The following MAML3 variants were observed in gnomAD, a reference collection of about 807,000 sequenced individuals.
The protein encoded by MAML3 is mastermind-like protein 3.
In MAML3, 27 loss-of-function variants were observed where a neutral mutation model predicts 101.9. The observed-to-expected ratio is 0.27, with a 90% CI of 0.20 to 0.37. The LOEUF (loss-of-function observed/expected upper bound fraction) is 0.37. Ranked by LOEUF, MAML3 falls within the 10% of genes least tolerant of loss-of-function variation. MAML3 has a pLI of 1.00. For missense variants in MAML3, 1,316 were observed against 1,444.9 expected (o/e 0.91, Z 1.45); for synonymous variants, 501 against 555.9 (o/e 0.90, Z 1.39).
intron 1 of MAML3, among the ~76,000 whole-genome samples, chr4:140,113,649 T>A (rs1364355486): frequency 2.0e-5 from 3 of 152,286 alleles, no homozygotes; most frequent in African/African-American, 7.2e-5. Flanking sequence ...CAACCAGAAC[T>A]CCCACAAAAG....
chr4:139,894,156 C>A (rs902380305), intron 1 of MAML3, among the ~76,000 whole-genome samples: 2 of 152,068 alleles, frequency 1.3e-5, no homozygotes, highest in Non-Finnish European at 2.9e-5. Context: ...TGTGCAGATG[C>A]GGTAAAGTTC....
intron 1 of MAML3, among the ~76,000 whole-genome samples, chr4:139,974,460 T>C (rs1166035032): frequency 6.6e-6 from 1 of 152,172 alleles, no homozygotes; most frequent in South Asian, 2.1e-4. Flanking sequence ...ACCACTATTA[T>C]AGGAGATTTT....
intron 2 of MAML3, among the ~76,000 whole-genome samples, chr4:139,804,332 T>C (rs969743894): frequency 2.6e-5 from 4 of 151,682 alleles, no homozygotes; most frequent in African/African-American, 4.9e-5. Context: ...AATGGCGTGA[T>C]CTTGACTCAC....
intron 2 of MAML3, among the ~76,000 whole-genome samples, chr4:139,739,321 C>CT (rs1286131226): frequency 7.2e-5 from 11 of 152,260 alleles, no homozygotes; most frequent in Admixed American, 5.2e-4. Context: ...TTTCAAGGCC[C>CT]TTTTTTGCAG....
intron 1 of MAML3, among the ~76,000 whole-genome samples, chr4:140,064,835 T>C (rs1257051451): frequency 1.3e-5 from 2 of 152,208 alleles, no homozygotes; most frequent in Admixed American, 6.5e-5. Context: ...AGCTATGCCC[T>C]AAAACTGAGG....
chr4:140,024,128 A>C (rs763935682), intron 1 of MAML3, among the ~76,000 whole-genome samples: 24 of 152,066 alleles, frequency 1.6e-4, no homozygotes, highest in Admixed American at 1.1e-3. Context: ...TTATTATCCA[A>C]TTTTCAAGAT....
intron 2 of MAML3, among the ~76,000 whole-genome samples, chr4:139,840,594 C>T (rs1409334209): frequency 6.6e-6 from 1 of 152,132 alleles, no homozygotes; most frequent in East Asian, 1.9e-4. Context: ...CAGGATAATG[C>T]GGTAGTTGCT....
At chr4:139,747,004 G>A (rs1356294980) in intron 2 of MAML3, among the ~76,000 whole-genome samples, 1 of 152,196 alleles carries the variant, frequency 6.6e-6, no homozygotes, top group Non-Finnish European at 1.5e-5. Context: ...CCCAAGGCTT[G>A]CAGCAATTGC....
chr4:139,788,487 T>A (rs940860258), intron 2 of MAML3, among the ~76,000 whole-genome samples: 1 of 152,230 alleles, frequency 6.6e-6, no homozygotes, highest in African/African-American at 2.4e-5. Flanking sequence ...TTTCTCTATA[T>A]ATCCTGAAGA....
intron 1 of MAML3, among the ~76,000 whole-genome samples, chr4:140,011,767 T>C (rs1324389837): frequency 6.6e-6 from 1 of 152,188 alleles, no homozygotes; most frequent in African/African-American, 2.4e-5. Context: ...TGCACTGCAG[T>C]TTCTGTATAT....
chr4:140,138,366 T>C lies in MAML3; in HGVS notation c.468+14494A>G, dbSNP rs112692701. Among the ~76,000 whole-genome samples the C allele has an allele frequency of 4.1e-3, 621 of 152,330 alleles. 1 individual carries two copies. The highest frequency in any genetic ancestry group is 6.2e-3 in the Non-Finnish European group (425 of 68,022). ...AGAAAATGAACGTGAAAAAATCCAA[T>C]AGCAGCTGCAAACCATTTAAGAATT... On this transcript the variant is annotated intron_variant, in intron 1 of 4. Coordinates refer to ENST00000509479, the MANE Select transcript of MAML3 (RefSeq NM_018717.5).
intron 2 of MAML3, among the ~76,000 whole-genome samples, chr4:139,808,459 C>T (rs948596142): frequency 6.6e-6 from 1 of 152,238 alleles, no homozygotes; most frequent in African/African-American, 2.4e-5. Flanking sequence ...GATATTATAG[C>T]TTTGTGGCTT....
chr4:139,928,280 G>A (rs994344373), intron 1 of MAML3, among the ~76,000 whole-genome samples: 1 of 152,160 alleles, frequency 6.6e-6, no homozygotes, highest in Non-Finnish European at 1.5e-5. Context: ...ATTTGGAAAT[G>A]GATTTATTCA....
intron 1 of MAML3, among the ~76,000 whole-genome samples, chr4:140,043,768 C>T (rs1727130563): frequency 6.6e-6 from 1 of 152,090 alleles, no homozygotes; most frequent in Non-Finnish European, 1.5e-5. Flanking sequence ...TTAAAATAGT[C>T]TATTGTGACA....
chr4:139,778,982 CAAA>C (rs67782985), intron 2 of MAML3, among the ~76,000 whole-genome samples: 2,380 of 100,610 alleles, frequency 0.024, 28 homozygotes, highest in Middle Eastern at 0.06. Flanking sequence ...GACTCCACCT[CAAA>C]AAAAAAAAAA....
At chr4:139,867,718 C>T (rs1033320909) in intron 2 of MAML3, among the ~76,000 whole-genome samples, 15 of 152,186 alleles carry the variant, frequency 9.9e-5, no homozygotes, top group Non-Finnish European at 2.2e-4. Flanking sequence ...AATAATTTAA[C>T]TTTGAGAATA....
chr4:140,056,178 T>G (rs768183498), intron 1 of MAML3, among the ~76,000 whole-genome samples: 3 of 152,138 alleles, frequency 2.0e-5, no homozygotes, highest in Non-Finnish European at 4.4e-5. Context: ...GCGGCATGGC[T>G]CCTGCTGCAG....
At chr4:139,802,937 A>G (rs573747599) in intron 2 of MAML3, among the ~76,000 whole-genome samples, 5 of 152,352 alleles carry the variant, frequency 3.3e-5, no homozygotes, top group African/African-American at 1.2e-4. Context: ...AATATCTTAT[A>G]CCTAATTTTA....
rs1393350636 is a variant in MAML3 at position 140,113,485 on chromosome 4, G to A, written c.468+39375C>T. Among the ~76,000 whole-genome samples, 3 of 152,120 alleles carry A rather than the reference G, an allele frequency of 2.0e-5. No homozygotes were observed. In the East Asian group the frequency reaches 5.8e-4, roughly 29 times the overall value. On this transcript the variant is annotated intron_variant, in intron 1 of 4. Transcript: ENST00000509479. ...GTCATGGACCACTAGGTCCTGCACT[G>A]TAGTAGACTATTTCTTCAACGATGC...
Sources: gnomAD v4.1 joint callset for allele counts (sites outside exome capture counted in the v4.1 genomes callset) on GRCh38, gnomAD v4.1.1 for gene constraint, MANE v1.5 for transcripts, NCBI Gene and HGNC (gene_info 2026-07-23, HGNC 2026-07-21) for gene names.